The following TMCC3 variants were observed in gnomAD, a reference collection of about 807,000 sequenced individuals.
The protein encoded by TMCC3 is transmembrane and coiled-coil domain protein 3.
TMCC3 carries 28 observed loss-of-function variants against 40.2 expected under a neutral mutation model. That is an observed-to-expected ratio of 0.70 (90% CI 0.52 to 0.95). The LOEUF is 0.95. Ranked by LOEUF, TMCC3 falls within the 40% of genes least tolerant of loss-of-function variation. The pLI, the probability that TMCC3 is intolerant of heterozygous loss-of-function variation, is 0.00. For missense variants in TMCC3, 554 were observed against 615.2 expected (o/e 0.90, Z 1.05); for synonymous variants, 255 against 248.5 (o/e 1.03, Z -0.25).
Position 94,650,432 on chromosome 12 carries a change from T to G in TMCC3, c.-2A>C. On this transcript the variant is annotated 5_prime_UTR_variant, in exon 1 of 4. Transcript: ENST00000261226. The stretch of plus-strand genomic sequence containing the variant: ...GAGCGCCGTGTCGCTGCCCGGCATC[T>G]CCGCGCTCCGGCCGCGAACTTTCCC... 2 of 1,287,462 alleles carry G rather than the reference T, an allele frequency of 1.6e-6. No individual in the cohort carries two copies. The highest frequency in any genetic ancestry group is 2.0e-6 in the Non-Finnish European group (2 of 1,012,388). The allele number at this position is 1,287,462 out of a possible 1,614,324, so 79.8% of individuals were successfully genotyped here.
chr12:94,611,586 G>C (rs1417337563), intron 1 of TMCC3, among the ~76,000 whole-genome samples: 1 of 152,138 alleles, frequency 6.6e-6, no homozygotes, highest in African/African-American at 2.4e-5. Context: ...TGGGGGATTG[G>C]TTCTAGGACC....
chr12:94,617,994 G>A (rs1290843015), intron 1 of TMCC3, among the ~76,000 whole-genome samples: 1 of 152,174 alleles, frequency 6.6e-6, no homozygotes, highest in Non-Finnish European at 1.5e-5. Flanking sequence ...AATGGATCTT[G>A]CCTTAAACCA....
At position 94,637,178 on chromosome 12, in the gene TMCC3, C is replaced by T. The variant is rs551281978; in HGVS notation, c.78+13175G>A. The stretch of plus-strand genomic sequence containing the variant: ...TAAATGGCAAGAACATACATATAAA[C>T]AGCTCATAAACACAGACAAATGTCT... On this transcript the variant is annotated intron_variant, in intron 1 of 3. Coordinates refer to ENST00000261226, the MANE Select transcript of TMCC3 (RefSeq NM_020698.4). Among the ~76,000 whole-genome samples the T allele has an allele frequency of 2.0e-5, 3 of 152,254 alleles. No homozygotes were observed. In the East Asian group the frequency reaches 5.8e-4, roughly 29 times the overall value.
At chr12:94,641,354 A>G (rs1165173534) in intron 1 of TMCC3, among the ~76,000 whole-genome samples, 2 of 152,190 alleles carry the variant, frequency 1.3e-5, no homozygotes, top group African/African-American at 4.8e-5. Flanking sequence ...AATGAATCTG[A>G]TATACAGACT....
rs925199514 is a variant in TMCC3, at chr12:94,649,775, G to T, written c.78+578C>A. On this transcript the variant is annotated intron_variant, in intron 1 of 3. Transcript: ENST00000261226. ...ACAGCAAATTACACTGCAAACAATGGCGAGGGCGCCTGCTCGGCTCGGCTC... is the reference window on the plus strand; with the variant it reads ...ACAGCAAATTACACTGCAAACAATGTCGAGGGCGCCTGCTCGGCTCGGCTC... Among the ~76,000 whole-genome samples, 5 of 152,254 alleles carry T rather than the reference G, an allele frequency of 3.3e-5. No individual in the cohort carries two copies. The East Asian group carries it at 9.6e-4, about 29-fold the overall frequency.
intron 3 of TMCC3, 53 bp downstream of exon 3, chr12:94,578,341 A>C: frequency 1.3e-6 from 2 of 1,578,176 alleles, no homozygotes; most frequent in Non-Finnish European, 1.7e-6. Context: ...TGTTAAATGA[A>C]TTAAGGCTCG....
Position 94,578,435 on chromosome 12 carries a change from T to C in TMCC3, c.1090A>G (p.Lys364Glu). ...CGCTCGTAGGCCTGGTAGGCCACCT[T>C]CTCCTCAATGCTGGCCAGCTCCTGC... ...LKQELASIEE[K>E]VAYQAYERSR... is the part of the protein sequence containing the mutation. The change falls in exon 3 of 4, where the codon AAG (lysine) becomes GAG (glutamate). Residue 364 changes from lysine to glutamate, a missense_variant. Transcript: ENST00000261226. The C allele has an allele frequency of 1.9e-6, 3 of 1,614,088 alleles. No individual in the cohort carries two copies. Among genetic ancestry groups the C allele is most frequent in the South Asian group, 2.2e-5 (2 of 91,078 alleles).
intron 1 of TMCC3, among the ~76,000 whole-genome samples, chr12:94,591,927 A>G (rs924486506): frequency 1.3e-5 from 2 of 152,202 alleles, no homozygotes; most frequent in African/African-American, 4.8e-5. Context: ...GAGCTAACCT[A>G]TACTAGAAAA....
In TMCC3 at chr12:94,582,161, T is replaced by C; in HGVS notation, c.456A>G (p.Ser152=). ...TCAGGTGGTCTTTGGAAATGTCCTT[T>C]GAGCTCCTAGAGGCTCCATTCTGCT... ...EIEQNGASRS[S]KDISKDHLKD... Residue 152 remains serine (S), a synonymous_variant, in exon 2 of 4, where the codon TCA becomes TCG. Transcript: ENST00000261226. 1.9e-6 allele frequency: 3 copies of C among 1,614,194 alleles called. No individual in the cohort carries two copies. The highest frequency in any genetic ancestry group is 2.2e-5 in the East Asian group (1 of 44,876).
At chr12:94,609,080 T>G (rs2068800203) in intron 1 of TMCC3, among the ~76,000 whole-genome samples, 1 of 151,762 alleles carries the variant, frequency 6.6e-6, no homozygotes, top group African/African-American at 2.4e-5. Flanking sequence ...ATTTAAAAAT[T>G]AGCTGGGTGT....
At chr12:94,606,510 G>T (rs1342873892) in intron 1 of TMCC3, among the ~76,000 whole-genome samples, 1 of 151,950 alleles carries the variant, frequency 6.6e-6, no homozygotes, top group Non-Finnish European at 1.5e-5. Context: ...GGGACTACAG[G>T]TGTACACCAC....
intron 1 of TMCC3, among the ~76,000 whole-genome samples, chr12:94,630,635 T>C (rs2068928101): frequency 6.6e-6 from 1 of 152,254 alleles, no homozygotes; most frequent in South Asian, 2.1e-4. Context: ...TACCCATTTA[T>C]GCTAGCTTCA....
intron 1 of TMCC3, among the ~76,000 whole-genome samples, chr12:94,631,132 G>C (rs553204955): frequency 1.3e-5 from 2 of 152,162 alleles, no homozygotes; most frequent in African/African-American, 2.4e-5. Flanking sequence ...TCTGAAACAA[G>C]AGCTCACTTT....
intron 3 of TMCC3, 88 bp from the exon 4 acceptor site, chr12:94,571,825 A>G (rs972253668): frequency 1.7e-5 from 24 of 1,413,614 alleles, no homozygotes; most frequent in East Asian, 1.6e-4. Context: ...CAAAAGCCCC[A>G]GCTCAGAAAG....
chr12:94,581,536 T>C, intron 2 of TMCC3, 86 bp downstream of exon 2: 1 of 1,040,530 alleles, frequency 9.6e-7, no homozygotes, highest in Non-Finnish European at 1.2e-6. Flanking sequence ...TAAAAAAGTT[T>C]TCAAAATGAA....
At chr12:94,585,428 G>A (rs1330537305) in intron 1 of TMCC3, among the ~76,000 whole-genome samples, 1 of 152,202 alleles carries the variant, frequency 6.6e-6, no homozygotes, top group East Asian at 1.9e-4. Flanking sequence ...CAGGCGCAGT[G>A]GCTCACGCCT....
intron 1 of TMCC3, among the ~76,000 whole-genome samples, chr12:94,613,642 G>A (rs1315050744): frequency 6.6e-6 from 1 of 152,244 alleles, no homozygotes; most frequent in Non-Finnish European, 1.5e-5. Flanking sequence ...TGACCTCTTG[G>A]GGGTGGGAAG....
rs115963572 is a variant in TMCC3, at chr12:94,606,712, C to T, written c.79-24174G>A. Among the ~76,000 whole-genome samples, 482 of 152,136 alleles carry T rather than the reference C, an allele frequency of 3.2e-3. 4 individuals are homozygous for T. The highest frequency in any genetic ancestry group is 0.011 in the African/African-American group (452 of 41,498). ...CATATTGGTAGGACCGTGATGACCC[C>T]GAGCTGCAAAACCAGCAAGTTTTTA... On this transcript the variant is annotated intron_variant, in intron 1 of 3. Transcript: ENST00000261226.
At chr12:94,631,959 C>T (rs1174110329) in intron 1 of TMCC3, among the ~76,000 whole-genome samples, 1 of 152,190 alleles carries the variant, frequency 6.6e-6, no homozygotes, top group Admixed American at 6.5e-5. Context: ...AGTATATTGA[C>T]ACTACTCACG....
Sources: allele counts gnomAD v4.1 joint callset (sites outside exome capture counted in the v4.1 genomes callset), GRCh38; gene constraint gnomAD v4.1.1; transcripts MANE v1.5; gene names NCBI Gene and HGNC (gene_info 2026-07-23, HGNC 2026-07-21).